Variants in SHISA6 observed in about 807,000 individuals in gnomAD.
SHISA6 encodes the protein shisa family member 6, also known as protein shisa-6.
A neutral mutation model predicts 47.9 loss-of-function variants in SHISA6; 22 were observed. The observed-to-expected ratio is 0.46, with a 90% CI of 0.33 to 0.66. SHISA6 has a LOEUF of 0.66. SHISA6 is among the 30% of genes least tolerant of loss of function. SHISA6 has a pLI of 0.02. For missense variants in SHISA6, 680 were observed against 764.6 expected (o/e 0.89, Z 1.30); for synonymous variants, 388 against 337.8 (o/e 1.15, Z -1.63).
intron 3 of SHISA6, among the ~76,000 whole-genome samples, chr17:11,428,780 T>TC (rs1491203935): frequency 1.2e-5 from 1 of 81,550 alleles, no homozygotes; most frequent in Non-Finnish European, 2.4e-5. Context: ...ATCCACTTTC[T>TC]TTTTTTTTTT....
At chr17:11,354,065 A>T (rs1411548766) in intron 2 of SHISA6, among the ~76,000 whole-genome samples, 1 of 151,892 alleles carries the variant, frequency 6.6e-6, no homozygotes, top group South Asian at 2.1e-4. Flanking sequence ...AGTATCCCTG[A>T]CCTCCACCCA....
chr17:11,305,176 G>T (rs977074303), intron 2 of SHISA6, among the ~76,000 whole-genome samples: 2 of 152,158 alleles, frequency 1.3e-5, no homozygotes, highest in African/African-American at 4.8e-5. Flanking sequence ...ACAAAAAGCA[G>T]GGCTCCTAAG....
At chr17:11,431,795 C>T (rs1567604417) in intron 3 of SHISA6, among the ~76,000 whole-genome samples, 1 of 152,164 alleles carries the variant, frequency 6.6e-6, no homozygotes, top group Non-Finnish European at 1.5e-5. Flanking sequence ...GTTAAAAACA[C>T]AACAAAAACA....
At chr17:11,316,355 T>C (rs1490410999) in intron 2 of SHISA6, among the ~76,000 whole-genome samples, 1 of 130,984 alleles carries the variant, frequency 7.6e-6, no homozygotes, top group East Asian at 2.3e-4. Context: ...TTGTATTCAA[T>C]GGGAATCTCC....
intron 2 of SHISA6, among the ~76,000 whole-genome samples, chr17:11,284,803 G>A (rs1909240721): frequency 6.6e-6 from 1 of 152,192 alleles, no homozygotes; most frequent in African/African-American, 2.4e-5. Flanking sequence ...CTTTGCAGCA[G>A]TCATGAGATA....
chr17:11,421,697 T>A (rs916527966), intron 3 of SHISA6, among the ~76,000 whole-genome samples: 2 of 152,208 alleles, frequency 1.3e-5, no homozygotes, highest in Non-Finnish European at 2.9e-5. Flanking sequence ...GCTGCCTGAT[T>A]AGAAACAAAG....
chr17:11,486,494 C>T (rs1257114918), intron 3 of SHISA6, among the ~76,000 whole-genome samples: 1 of 152,164 alleles, frequency 6.6e-6, no homozygotes, highest in African/African-American at 2.4e-5. Context: ...AAGTACTATG[C>T]TAAGGAGAAG....
intron 2 of SHISA6, chr17:11,288,242 C>G (rs1909389810): frequency 6.6e-6 from 1 of 152,194 alleles, no homozygotes; most frequent in African/African-American, 2.4e-5. Flanking sequence ...TTTATTGCTG[C>G]AATAGGACCT....
At chr17:11,543,983 A>G (rs1368051646) in intron 3 of SHISA6, among the ~76,000 whole-genome samples, 3 of 151,314 alleles carry the variant, frequency 2.0e-5, no homozygotes, top group African/African-American at 7.3e-5. Flanking sequence ...AACTCAAAAT[A>G]GATCAGGTAT....
chr17:11,395,746 G>A (rs529403602), intron 3 of SHISA6, among the ~76,000 whole-genome samples: 1 of 152,164 alleles, frequency 6.6e-6, no homozygotes, highest in South Asian at 2.1e-4. Flanking sequence ...TCGAACTCCT[G>A]ATCTCAAGTG....
chr17:11,460,762 T>C (rs146406625), intron 3 of SHISA6, among the ~76,000 whole-genome samples: 138 of 152,306 alleles, frequency 9.1e-4, no homozygotes, highest in African/African-American at 3.1e-3. Context: ...CAAGGCGACA[T>C]TGGGGCCTGA....
rs139359938 is a variant in SHISA6, at chr17:11,542,516, T to C, written c.896-9380T>C. Among the ~76,000 whole-genome samples the C allele has an allele frequency of 4.4e-3, 676 of 152,076 alleles. 9 individuals carry two copies. Among genetic ancestry groups the C allele is most frequent in the African/African-American group, 0.016 (661 of 41,524 alleles). ...CTGAAAGGAAACAGACATTAGGACA[T>C]AGCTCATTTGAGTTCATGCATTTGA... On this transcript the variant is annotated intron_variant, in intron 3 of 5. Coordinates refer to ENST00000441885, the MANE Select transcript of SHISA6 (RefSeq NM_207386.4).
chr17:11,398,592 GT>G (rs1239514139), intron 3 of SHISA6, among the ~76,000 whole-genome samples: 1 of 150,134 alleles, frequency 6.7e-6, no homozygotes, highest in East Asian at 1.9e-4. Context: ...TTGTTTGCTT[GT>G]TTTTTTGTTG....
At chr17:11,303,226 A>G (rs138218393) in intron 2 of SHISA6, among the ~76,000 whole-genome samples, 212 of 151,656 alleles carry the variant, frequency 1.4e-3, no homozygotes, top group African/African-American at 4.8e-3. Context: ...TGTGTGTAAG[A>G]TTCAGTGTGA....
At chr17:11,257,373 G>T (rs11652666) in intron 1 of SHISA6, among the ~76,000 whole-genome samples, 117,369 of 152,098 alleles carry the variant, frequency 0.77, 49,233 homozygotes, top group Non-Finnish European at 0.92. Context: ...TCAAGTAAAA[G>T]CACAGGGGCG....
chr17:11,351,906 T>C (rs1911904166), intron 2 of SHISA6, among the ~76,000 whole-genome samples: 2 of 152,286 alleles, frequency 1.3e-5, no homozygotes, highest in Non-Finnish European at 2.9e-5. Flanking sequence ...CATAGTATGG[T>C]GGTGCTATTG....
intron 2 of SHISA6, among the ~76,000 whole-genome samples, chr17:11,336,524 C>T (rs1048755711): frequency 2.0e-5 from 3 of 152,134 alleles, no homozygotes; most frequent in Non-Finnish European, 2.9e-5. Context: ...CCTCACCTGC[C>T]GCCCCTGGCT....
chr17:11,332,265 A>C (rs1191800571), intron 2 of SHISA6, among the ~76,000 whole-genome samples: 1 of 151,896 alleles, frequency 6.6e-6, no homozygotes, highest in Non-Finnish European at 1.5e-5. Flanking sequence ...ATGGAAAGAC[A>C]ATAATGTGTT....
At chr17:11,242,982 T>C (rs1281316295) in intron 1 of SHISA6, among the ~76,000 whole-genome samples, 1 of 151,986 alleles carries the variant, frequency 6.6e-6, no homozygotes, top group African/African-American at 2.4e-5. Flanking sequence ...CGGCTTCCTG[T>C]CCCCTCATGT....
Sources: gnomAD v4.1 joint callset for allele counts (sites outside exome capture counted in the v4.1 genomes callset) on GRCh38, gnomAD v4.1.1 for gene constraint, MANE v1.5 for transcripts, NCBI Gene and HGNC (gene_info 2026-07-23, HGNC 2026-07-21) for gene names.